The following TECPR2 variants were observed in gnomAD, a reference collection of about 807,000 sequenced individuals.
TECPR2 encodes tectonin beta-propeller repeat containing 2.
A neutral mutation model predicts 138.1 loss-of-function variants in TECPR2; 65 were observed. The ratio of observed to expected loss-of-function variants is 0.47; its 90% CI spans 0.39 to 0.58. The LOEUF is 0.58. TECPR2 is among the 20% of genes least tolerant of loss of function. The pLI is 0.00. For missense variants in TECPR2, 1,553 were observed against 1,824.5 expected (o/e 0.85, Z 2.71); for synonymous variants, 746 against 749.8 (o/e 0.99, Z 0.08).
In TECPR2 at chr14:102,425,177, T is replaced by C; in HGVS notation, c.837T>C (p.Ser279=). 1 of 1,614,094 alleles carries C rather than the reference T, an allele frequency of 6.2e-7. No homozygotes were observed. Among genetic ancestry groups the C allele is most frequent in the Non-Finnish European group, 8.5e-7 (1 of 1,180,004 alleles). ...ELHPRLESPN[S]GSCSLPERHL... ...ACCCGCGTCTGGAATCCCCCAACAG[T>C]GGAAGTTGCAGCTTACCTGAGAGGC... Residue 279 remains serine (S), a synonymous_variant, in exon 6 of 20, where the codon AGT becomes AGC. Transcript: ENST00000359520.
rs1889723643 is a variant in TECPR2, at chr14:102,438,125, T to A, written c.2498T>A (p.Phe833Tyr). The change falls in exon 10 of 20, where the codon TTC (phenylalanine) becomes TAC (tyrosine). Residue 833 changes from phenylalanine to tyrosine, a missense_variant. By Grantham distance (22) the Phe-to-Tyr change is conservative. Transcript: ENST00000359520. Reference protein sequence around the residue: ...IWCLDYKGGLFCSALPGAGLR... With the variant: ...IWCLDYKGGLYCSALPGAGLR... ...TGCCTGGACTACAAAGGCGGCCTGT[T>A]CTGCAGCGCGTTGCCGGGCGCCGGG... is the stretch of plus-strand genomic sequence containing the variant. 1 of 1,614,004 alleles carries A rather than the reference T, an allele frequency of 6.2e-7. No individual in the cohort carries two copies. Among genetic ancestry groups the A allele is most frequent in the Non-Finnish European group, 8.5e-7 (1 of 1,179,972 alleles).
At chr14:102,468,261 C>T (rs1890591512) in intron 17 of TECPR2, among the ~76,000 whole-genome samples, 1 of 152,218 alleles carries the variant, frequency 6.6e-6, no homozygotes. Context: ...GATCTCAGCT[C>T]ACTGCAACTT....
rs1316116874 is a variant in TECPR2 at position 102,497,732 on chromosome 14, G to A, written c.4081+13G>A. Reference sequence around the variant, plus strand: ...TCGTGTTTCACAGGCAGGTGCCCGGGGCCAGTGGGCTTAAGGCCCCTTGGG... The same window carrying A: ...TCGTGTTTCACAGGCAGGTGCCCGGAGCCAGTGGGCTTAAGGCCCCTTGGG... On this transcript the variant is annotated intron_variant, in intron 19 of 19. Coordinates refer to ENST00000359520, the MANE Select transcript of TECPR2 (RefSeq NM_014844.5). 1 of 1,595,008 alleles carries A rather than the reference G, an allele frequency of 6.3e-7. No individual in the cohort carries two copies.
intron 6 of TECPR2, among the ~76,000 whole-genome samples, chr14:102,427,894 A>G (rs533349079): frequency 1.3e-5 from 2 of 152,314 alleles, no homozygotes; most frequent in South Asian, 4.1e-4. Context: ...CCCAGCAAAC[A>G]TGGATAGGAA....
chr14:102,408,663 A>G lies in TECPR2; in HGVS notation c.480+44A>G, dbSNP rs551628910. On this transcript the variant is annotated intron_variant, in intron 4 of 19. Transcript: ENST00000359520. Reference sequence around the variant, plus strand: ...ATACTGTTGGCTCTTACCTTCTTACATTTGGAAAAACTATATTTATAACTT... The same window carrying G: ...ATACTGTTGGCTCTTACCTTCTTACGTTTGGAAAAACTATATTTATAACTT... 8.4e-6 allele frequency: 13 copies of G among 1,550,212 alleles called. No individual in the cohort carries two copies. In the East Asian group the frequency reaches 1.1e-4, roughly 14 times the overall value.
At chr14:102,452,105 A>G (rs977763874) in intron 15 of TECPR2, among the ~76,000 whole-genome samples, 2 of 152,232 alleles carry the variant, frequency 1.3e-5, no homozygotes, top group South Asian at 2.1e-4. Context: ...TGGGAGGTCA[A>G]AGCCACTAAG....
chr14:102,443,573 C>A lies in TECPR2; in HGVS notation c.2753-74C>A. The A allele has an allele frequency of 6.8e-6, 9 of 1,330,046 alleles. No homozygotes were observed. Among genetic ancestry groups the A allele is most frequent in the Non-Finnish European group, 8.8e-6 (9 of 1,021,816 alleles). The allele number at this position is 1,330,046 out of a possible 1,614,324, so 82.4% of individuals were successfully genotyped here. Reference sequence around the variant, plus strand: ...AAAATACCAAAAAAGGAAAAATAAGCCAATAACCAAGTCAAAATGAGGTGT... The same window carrying A: ...AAAATACCAAAAAAGGAAAAATAAGACAATAACCAAGTCAAAATGAGGTGT... On this transcript the variant is annotated intron_variant, in intron 11 of 19. Coordinates refer to ENST00000359520, the MANE Select transcript of TECPR2 (RefSeq NM_014844.5). This position sits in a 1 kb window ranked among gnomAD's most constrained non-coding sequence, Gnocchi z 4.9.
At chr14:102,397,438 A>G (rs1437277227) in intron 2 of TECPR2, among the ~76,000 whole-genome samples, 2 of 152,216 alleles carry the variant, frequency 1.3e-5, no homozygotes, top group Admixed American at 1.3e-4. Context: ...TGTCTTAAAG[A>G]TATGCAAACA....
chr14:102,399,464 C>T (rs1427817577), intron 2 of TECPR2, among the ~76,000 whole-genome samples: 1 of 152,020 alleles, frequency 6.6e-6, no homozygotes, highest in Non-Finnish European at 1.5e-5. Context: ...ACCTGCCCCG[C>T]AAGAAATACT....
chr14:102,482,897 G>A (rs1158254400), intron 17 of TECPR2, among the ~76,000 whole-genome samples: 3 of 139,548 alleles, frequency 2.1e-5, no homozygotes, highest in Non-Finnish European at 3.0e-5. Context: ...AGGCTGGAGT[G>A]CAGTGGCATG....
rs189849152 is a variant in TECPR2 at position 102,449,699 on chromosome 14, C to T, written c.3146C>T (p.Ser1049Leu). Residue 1049 changes from serine (S) to leucine (L), a missense_variant, in exon 14 of 20, where the codon TCG becomes TTG. Ser to Leu is a moderately radical substitution (Grantham distance 145, BLOSUM62 -2). Transcript: ENST00000359520. ...LFQTIIHATH[S>L]VATAAQAPVE... ...CAGACGATAATCCATGCCACTCACT[C>T]GGTGGCCACAGCAGCCCAAGCCCCC... 11 of 1,614,140 alleles carry T rather than the reference C, an allele frequency of 6.8e-6. No individual in the cohort carries two copies. The highest frequency in any genetic ancestry group is 1.6e-4 in the Middle Eastern group (1 of 6,062).
At chr14:102,487,944 C>T (rs537929228) in intron 17 of TECPR2, among the ~76,000 whole-genome samples, 1 of 151,224 alleles carries the variant, frequency 6.6e-6, no homozygotes, top group African/African-American at 2.4e-5. Flanking sequence ...CGGGTTCAAG[C>T]GATTCTCCTG....
Position 102,443,735 on chromosome 14 carries a change from G to A in TECPR2, c.2841G>A (p.Val947=). ...LSQITARNNV[V]WALTEQRALL... ...AGATCACAGCCCGGAACAATGTGGT[G>A]TGGGCGCTGACAGAGCAGAGGGCCC... Residue 947 remains valine (V), a synonymous_variant, in exon 12 of 20, where the codon GTG becomes GTA. Coordinates refer to ENST00000359520, the MANE Select transcript of TECPR2 (RefSeq NM_014844.5). The surrounding 1 kb of genome is among the most constrained non-coding windows in gnomAD (Gnocchi z 4.9). 5 of 1,613,236 alleles carry A rather than the reference G, an allele frequency of 3.1e-6. No individual in the cohort carries two copies. The highest frequency in any genetic ancestry group is 3.4e-6 in the Non-Finnish European group (4 of 1,179,312).
At chr14:102,488,748 A>G (rs1164563854) in intron 17 of TECPR2, among the ~76,000 whole-genome samples, 4 of 152,032 alleles carry the variant, frequency 2.6e-5, no homozygotes, top group African/African-American at 9.7e-5. Flanking sequence ...AAACTATAGT[A>G]CACTGTCACA....
At chr14:102,401,576 G>A (rs927226634) in intron 2 of TECPR2, among the ~76,000 whole-genome samples, 4 of 151,828 alleles carry the variant, frequency 2.6e-5, no homozygotes, top group African/African-American at 4.8e-5. Flanking sequence ...TCAGGAGATC[G>A]AGACCATCCT....
At chr14:102,479,685 T>C (rs901415864) in intron 17 of TECPR2, among the ~76,000 whole-genome samples, 14 of 152,202 alleles carry the variant, frequency 9.2e-5, no homozygotes, top group African/African-American at 3.4e-4. Flanking sequence ...AGCCAATCCA[T>C]GCTGGCGTCC....
intron 17 of TECPR2, among the ~76,000 whole-genome samples, chr14:102,489,784 G>T (rs1166144187): frequency 1.3e-5 from 2 of 151,846 alleles, no homozygotes; most frequent in Non-Finnish European, 2.9e-5. Flanking sequence ...AGTGTGTCTG[G>T]GTTTTGTCTG....
rs1438361035 is a variant in TECPR2 at position 102,407,364 on chromosome 14, G to A, written c.246G>A (p.Val82=). 8 of 1,612,170 alleles carry A rather than the reference G, an allele frequency of 5.0e-6. No homozygotes were observed. Among genetic ancestry groups the A allele is most frequent in the Non-Finnish European group, 6.8e-6 (8 of 1,179,284 alleles). The change falls in exon 3 of 20, where the codon GTG becomes GTA. Residue 82 remains valine, a synonymous_variant. Coordinates refer to ENST00000359520, the MANE Select transcript of TECPR2 (RefSeq NM_014844.5). ...GGAAGACGGAATCTATCACTGTGGT[G>A]AAGCTGCTGAGCTGCTTTGATGACC... ...FEGKTESITV[V]KLLSCFDDLV...
In TECPR2 at chr14:102,414,719, T is replaced by G; in HGVS notation, c.564T>G (p.Ser188=). The G allele has an allele frequency of 6.2e-7, 1 of 1,614,260 alleles. No homozygotes were observed. The highest frequency in any genetic ancestry group is 8.5e-7 in the Non-Finnish European group (1 of 1,180,048). ...LDYSQKVLLV[S]TLQRSLLFYT... is the part of the protein sequence containing the mutation. ...ATAGCCAGAAAGTGCTGCTGGTCTCTACTCTGCAAAGAAGTCTGCTCTTTT... is the reference window on the plus strand; with the variant it reads ...ATAGCCAGAAAGTGCTGCTGGTCTCGACTCTGCAAAGAAGTCTGCTCTTTT... Residue 188 remains serine, a synonymous_variant, in exon 5 of 20, where the codon TCT becomes TCG. Transcript: ENST00000359520.
Sources: allele counts gnomAD v4.1 joint callset (sites outside exome capture counted in the v4.1 genomes callset), GRCh38; gene constraint gnomAD v4.1.1; non-coding constraint Gnocchi (gnomAD v3.1); transcripts MANE v1.5; gene names NCBI Gene and HGNC (gene_info 2026-07-23, HGNC 2026-07-21).